The following ATRN variants were observed in gnomAD, a reference collection of about 807,000 sequenced individuals.
ATRN encodes the protein attractin-2.
ATRN carries 54 observed loss-of-function variants against 178.7 expected under a neutral mutation model. That is an observed-to-expected ratio of 0.30 (90% confidence interval 0.24 to 0.38). The LOEUF (loss-of-function observed/expected upper bound fraction) is 0.38. Ranked by LOEUF, ATRN falls within the 10% of genes least tolerant of loss-of-function variation. The pLI, the probability that ATRN is intolerant of heterozygous loss-of-function variation, is 1.00. For synonymous variants in ATRN, 636 were observed against 663.0 expected (o/e 0.96, Z 0.63); for missense variants, 1,443 against 1,815.1 (o/e 0.79, Z 3.73).
At chr20:3,504,111 A>G (rs944758777) in intron 1 of ATRN, among the ~76,000 whole-genome samples, 1 of 152,208 alleles carries the variant, frequency 6.6e-6, no homozygotes, top group African/African-American at 2.4e-5. Context: ...AACACGAAGA[A>G]GGACAAGACA....
At chr20:3,626,972 A>G (rs1184919777) in intron 25 of ATRN, among the ~76,000 whole-genome samples, 1 of 151,958 alleles carries the variant, frequency 6.6e-6, no homozygotes, top group African/African-American at 2.4e-5. Flanking sequence ...TTTTTAGCAG[A>G]GACGGGGTTT....
At position 3,549,028 on chromosome 20, in the gene ATRN, A is replaced by C; in HGVS notation, c.944-142A>C. On this transcript the variant is annotated intron_variant, in intron 5 of 28. Transcript: ENST00000262919. ...AATACCCTGAATAAATTAAAATAAC[A>C]AATTAAAGGATTTGTCTGATATTTA... The C allele has an allele frequency of 5.6e-6, 4 of 714,636 alleles. No individual in the cohort carries two copies. The South Asian group carries it at 9.6e-5, about 17-fold the overall frequency. 44.3% of individuals were successfully genotyped at this position (714,636 alleles called of 1,614,324 possible). A position where few individuals can be genotyped will look rare whatever the true frequency, so the allele number is the denominator to read the frequency against.
In ATRN at chr20:3,649,359, G is replaced by GA. The variant is rs1233919107; in HGVS notation, c.*2518dup. 6.6e-6 allele frequency: 1 copy of GA among 152,526 alleles called. No individual in the cohort carries two copies. Among genetic ancestry groups the GA allele is most frequent in the Non-Finnish European group, 1.5e-5 (1 of 68,012 alleles). The allele number at this position is 152,526 out of a possible 1,614,324, so 9.4% of individuals were successfully genotyped here. A position where few individuals can be genotyped will look rare whatever the true frequency, so the allele number is the denominator to read the frequency against. On this transcript the variant is annotated 3_prime_UTR_variant, in exon 29 of 29. Transcript: ENST00000262919. ...AGACATTCGGAGTGTACATAAAACA[G>GA]AAAAAATCTTCATGTATTTTTATTA...
At position 3,503,244 on chromosome 20, in the gene ATRN, C is replaced by A. The variant is rs545144331; in HGVS notation, c.410+31727C>A. Among the ~76,000 whole-genome samples the A allele has an allele frequency of 2.6e-5, 4 of 152,196 alleles. No homozygotes were observed. The East Asian group carries it at 5.8e-4, about 22-fold the overall frequency. ...CTCGTGCTAAAACTAAACAGGGTGG[C>A]TAACTGTTAAAAGATTTAATAGAAG... is the stretch of plus-strand genomic sequence containing the variant. On this transcript the variant is annotated intron_variant, in intron 1 of 28. Transcript: ENST00000262919.
chr20:3,596,576 A>C, intron 21 of ATRN, 147 bp downstream of exon 21: 1 of 759,476 alleles, frequency 1.3e-6, no homozygotes, highest in East Asian at 2.6e-5. Context: ...ACATTCTGTT[A>C]AGTTTACTAC....
At chr20:3,495,482 A>G (rs575494061) in intron 1 of ATRN, among the ~76,000 whole-genome samples, 1 of 152,326 alleles carries the variant, frequency 6.6e-6, no homozygotes, top group South Asian at 2.1e-4. Flanking sequence ...CTTTGTTAGC[A>G]TATTTTGTGT....
chr20:3,586,848 T>C (rs2086364320), intron 18 of ATRN, among the ~76,000 whole-genome samples: 1 of 152,264 alleles, frequency 6.6e-6, no homozygotes, highest in Admixed American at 6.5e-5. Flanking sequence ...CACCATTTTA[T>C]GCTCTCACCA....
intron 6 of ATRN, 90 bp downstream of exon 6, chr20:3,549,428 A>G: frequency 8.8e-7 from 1 of 1,132,470 alleles, no homozygotes; most frequent in Non-Finnish European, 1.2e-6. Context: ...ATCACCAGTC[A>G]TTCTACTACC....
At chr20:3,640,152 G>A (rs2087056673) in intron 27 of ATRN, among the ~76,000 whole-genome samples, 1 of 152,170 alleles carries the variant, frequency 6.6e-6, no homozygotes, top group South Asian at 2.1e-4. Flanking sequence ...AGTCAAGTAT[G>A]GCCAAGCAGA....
At chr20:3,534,875 G>C (rs2085502488) in intron 1 of ATRN, among the ~76,000 whole-genome samples, 1 of 152,158 alleles carries the variant, frequency 6.6e-6, no homozygotes, top group Non-Finnish European at 1.5e-5. Context: ...GGGAAGCCGA[G>C]ATGGGAGGAT....
chr20:3,532,855 T>C (rs1442965647), intron 1 of ATRN, among the ~76,000 whole-genome samples: 1 of 151,996 alleles, frequency 6.6e-6, no homozygotes, highest in African/African-American at 2.4e-5. Flanking sequence ...CTCTGCCTCC[T>C]GGGTTCACGC....
rs762928804 is a variant in ATRN at position 3,578,702 on chromosome 20, C to T, written c.2474C>T (p.Ser825Phe). The T allele has an allele frequency of 6.2e-7, 1 of 1,614,104 alleles. No individual in the cohort carries two copies. Among genetic ancestry groups the T allele is most frequent in the South Asian group, 1.1e-5 (1 of 91,076 alleles). ...FCRNHNALLA[S>F]LTTQKKVEFV... ...AGGAACCACAATGCCCTTTTGGCTTCTCTTACAACCCAGAAGAAGGTAGAA... is the reference window on the plus strand; with the variant it reads ...AGGAACCACAATGCCCTTTTGGCTTTTCTTACAACCCAGAAGAAGGTAGAA... Residue 825 changes from serine (S) to phenylalanine (F), a missense_variant, in exon 15 of 29, where the codon TCT becomes TTT. By Grantham distance (155) the Ser-to-Phe change is radical (BLOSUM62 -2). Transcript: ENST00000262919.
chr20:3,615,711 A>G (rs2086836969), intron 24 of ATRN: 1 of 436,924 alleles, frequency 2.3e-6, no homozygotes, highest in African/African-American at 2.0e-5. Context: ...ACACTTCACC[A>G]CGCCCAGCTA....
intron 1 of ATRN, among the ~76,000 whole-genome samples, chr20:3,530,028 A>G (rs928110541): frequency 6.6e-6 from 1 of 151,782 alleles, no homozygotes; most frequent in Non-Finnish European, 1.5e-5. Flanking sequence ...AAAATAACCA[A>G]AAGATCAATA....
chr20:3,650,184 A>G lies in ATRN; in HGVS notation c.*3337A>G, dbSNP rs2087136185. 6.6e-6 allele frequency: 1 copy of G among 152,650 alleles called. No individual in the cohort carries two copies. Among genetic ancestry groups the G allele is most frequent in the Non-Finnish European group, 1.5e-5 (1 of 68,034 alleles). The allele number at this position is 152,650 out of a possible 1,614,324, so 9.5% of individuals were successfully genotyped here. On this transcript the variant is annotated 3_prime_UTR_variant, in exon 29 of 29. Coordinates refer to ENST00000262919, the MANE Select transcript of ATRN (RefSeq NM_139321.3). Reference sequence around the variant, plus strand: ...GGTGGGAAGAGGCATTTTACCTTCCAGTGCAAATCCTGCTCCTTTGATTTA... The same window carrying G: ...GGTGGGAAGAGGCATTTTACCTTCCGGTGCAAATCCTGCTCCTTTGATTTA...
chr20:3,628,813 C>G (rs543212145), intron 25 of ATRN: 220 of 869,644 alleles, frequency 2.5e-4, no homozygotes, highest in Non-Finnish European at 2.9e-4. Context: ...CCAGCCGTCT[C>G]TGACCCATGC....
At chr20:3,489,625 A>T in intron 1 of ATRN, 1 of 1,457,448 alleles carries the variant, frequency 6.9e-7, no homozygotes, top group Non-Finnish European at 9.6e-7. Flanking sequence ...TCAGGCTGCC[A>T]TCATTCTGAA....
intron 1 of ATRN, among the ~76,000 whole-genome samples, chr20:3,483,653 G>A (rs151558): frequency 0.9 from 136,840 of 152,282 alleles, 61,649 homozygotes; most frequent in African/African-American, 0.96. Context: ...GGCCCAATTA[G>A]CATTCTTTAC....
chr20:3,545,640 G>C (rs2085689794), intron 3 of ATRN, 122 bp from the exon 4 acceptor site: 1 of 1,231,846 alleles, frequency 8.1e-7, no homozygotes, highest in Non-Finnish European at 1.1e-6. Flanking sequence ...ACAGGAATTT[G>C]CCTGTCTTCC....
Sources: gnomAD v4.1 joint callset for allele counts (sites outside exome capture counted in the v4.1 genomes callset) on GRCh38, gnomAD v4.1.1 for gene constraint, MANE v1.5 for transcripts, NCBI Gene and HGNC (gene_info 2026-07-23, HGNC 2026-07-21) for gene names.